Variants in IL6R observed in about 807,000 individuals in gnomAD.
IL6R encodes the protein interleukin-6 receptor subunit alpha.
Under a neutral mutation model 48.3 loss-of-function variants are expected in IL6R, and 38 were observed. The observed-to-expected ratio is 0.79, with a 90% CI of 0.61 to 1.03. IL6R has a LOEUF of 1.03. IL6R is among the 50% of genes least tolerant of loss of function. IL6R has a pLI of 0.00. For synonymous variants in IL6R, 264 were observed against 256.2 expected, an observed-to-expected ratio of 1.03 and a Z score of -0.29; for missense variants, 534 against 618.3, an observed-to-expected ratio of 0.86 and a Z score of 1.45.
In IL6R at chr1:154,429,467, C is replaced by T. The variant is rs539803011; in HGVS notation, c.334+23C>T. 8.8e-6 allele frequency: 14 copies of T among 1,593,340 alleles called. No homozygotes were observed. The East Asian group carries it at 9.0e-5, about 10-fold the overall frequency. On this transcript the variant is annotated intron_variant, in intron 2 of 9. Transcript: ENST00000368485. Reference sequence around the variant, plus strand: ...ATGGTGAGTTGTGCCTCAGAGGTCCCGGAGATAGTTCCCGTAAGAAATGAG... The same window carrying T: ...ATGGTGAGTTGTGCCTCAGAGGTCCTGGAGATAGTTCCCGTAAGAAATGAG...
intron 9 of IL6R, among the ~76,000 whole-genome samples, chr1:154,461,458 C>CG (rs1456921222): frequency 6.6e-5 from 10 of 152,326 alleles, no homozygotes; most frequent in African/African-American, 2.4e-4. Context: ...AGCGCTCCAG[C>CG]GGCCCTTATG....
Position 154,436,064 on chromosome 1 carries a change from C to T in IL6R, c.903C>T (p.Gly301=), listed in dbSNP as rs754516763. 11 of 1,612,852 alleles carry T rather than the reference C, an allele frequency of 6.8e-6. No homozygotes were observed. The highest frequency in any genetic ancestry group is 1.7e-4 in the Middle Eastern group (1 of 6,060). ...QLRAQEEFGQ[G]EWSEWSPEAM... ...GTGCCCAGGAGGAGTTCGGGCAAGG[C>T]GAGTGGAGCGAGTGGAGCCCGGAGG... Residue 301 remains glycine, a synonymous_variant, in exon 6 of 10, where the codon GGC becomes GGT. Coordinates refer to ENST00000368485, the MANE Select transcript of IL6R (RefSeq NM_000565.4).
intron 1 of IL6R, among the ~76,000 whole-genome samples, chr1:154,422,890 T>C (rs979232603): frequency 6.6e-6 from 1 of 152,170 alleles, no homozygotes; most frequent in Non-Finnish European, 1.5e-5. Flanking sequence ...CTCTTCCTTT[T>C]GGCCCTTCTC....
chr1:154,452,451 C>T (rs1460764430), intron 8 of IL6R, among the ~76,000 whole-genome samples: 3 of 152,220 alleles, frequency 2.0e-5, no homozygotes. Context: ...CTTCCTCTGA[C>T]ATTCACTTTG....
intron 1 of IL6R, among the ~76,000 whole-genome samples, chr1:154,426,645 AAGTT>A (rs2149230947): frequency 6.6e-6 from 1 of 152,242 alleles, no homozygotes; most frequent in African/African-American, 2.4e-5. Context: ...TGGGTAGTGA[AAGTT>A]AGGTTGGTGG....
At position 154,467,380 on chromosome 1, in the gene IL6R, T is replaced by C. The variant is rs749966968; in HGVS notation, c.*2000T>C. On this transcript the variant is annotated 3_prime_UTR_variant, in exon 10 of 10. Transcript: ENST00000368485. The stretch of plus-strand genomic sequence containing the variant: ...ATGATTTAAATCAGCCGTGTAACCA[T>C]GGACCCAATATTTACCAGACCACAA... 4 of 152,040 alleles carry C rather than the reference T, an allele frequency of 2.6e-5. No individual in the cohort carries two copies. Among genetic ancestry groups the C allele is most frequent in the Admixed American group, 2.6e-4 (4 of 15,278 alleles). The allele number at this position is 152,040 out of a possible 1,614,324, so 9.4% of individuals were successfully genotyped here.
At chr1:154,413,533 T>C (rs1482711052) in intron 1 of IL6R, among the ~76,000 whole-genome samples, 1 of 152,240 alleles carries the variant, frequency 6.6e-6, no homozygotes, top group Non-Finnish European at 1.5e-5. Flanking sequence ...TGTGTCCCTA[T>C]GCCCTTGCCA....
In IL6R at chr1:154,465,344, T is replaced by C. The variant is rs768524019; in HGVS notation, c.1371T>C (p.Tyr457=). The change falls in exon 10 of 10, where the codon TAT becomes TAC. Residue 457 remains tyrosine (Y), a synonymous_variant. Coordinates refer to ENST00000368485, the MANE Select transcript of IL6R (RefSeq NM_000565.4). Reference sequence around the variant, plus strand: ...ATGCCAGGGACCCACGGAGCCCTTATGACATCAGCAATACAGACTACTTCT... The same window carrying C: ...ATGCCAGGGACCCACGGAGCCCTTACGACATCAGCAATACAGACTACTTCT... ...RPDARDPRSP[Y]DISNTDYFFP... 49 of 1,614,092 alleles carry C rather than the reference T, an allele frequency of 3.0e-5. No individual in the cohort carries two copies. Among genetic ancestry groups the C allele is most frequent in the Non-Finnish European group, 4.1e-5 (48 of 1,180,030 alleles).
At chr1:154,437,814 C>A (rs1400645201) in intron 6 of IL6R, among the ~76,000 whole-genome samples, 1 of 151,178 alleles carries the variant, frequency 6.6e-6, no homozygotes, top group African/African-American at 2.4e-5. Flanking sequence ...CTTGGGTTCA[C>A]GCTATTCTCC....
At chr1:154,430,659 C>T (rs1017452083) in intron 3 of IL6R, 53 bp downstream of exon 3, 2 of 1,611,426 alleles carry the variant, frequency 1.2e-6, no homozygotes, top group Non-Finnish European at 1.7e-6. Context: ...TTCCCGAGGC[C>T]CCCCAGAGAG....
intron 1 of IL6R, among the ~76,000 whole-genome samples, chr1:154,425,834 C>T (rs1313000761): frequency 6.7e-6 from 1 of 148,568 alleles, no homozygotes; most frequent in Non-Finnish European, 1.5e-5. Flanking sequence ...AATCTCAGCA[C>T]TTTGGGAGGC....
intron 1 of IL6R, among the ~76,000 whole-genome samples, chr1:154,423,247 G>T (rs1335993956): frequency 1.4e-5 from 1 of 72,530 alleles, no homozygotes; most frequent in Non-Finnish European, 3.1e-5. Context: ...AGGCTATGTA[G>T]CTTGTTTAAT....
In IL6R at chr1:154,408,357, C is replaced by T. The variant is rs527867706; in HGVS notation, c.85+2643C>T. Among the ~76,000 whole-genome samples the T allele has an allele frequency of 9.2e-5, 14 of 152,230 alleles. No homozygotes were observed. In the South Asian group the frequency reaches 2.5e-3, roughly 27 times the overall value. On this transcript the variant is annotated intron_variant, in intron 1 of 9. Transcript: ENST00000368485. ...TCATTGCAGCAAACATTTCTTGAGT[C>T]GGTGTAGAGCCTGTGAGGCCTGTGT...
intron 1 of IL6R, among the ~76,000 whole-genome samples, chr1:154,411,928 T>C (rs1688042179): frequency 6.6e-6 from 1 of 150,554 alleles, no homozygotes; most frequent in South Asian, 2.1e-4. Flanking sequence ...GCTTGATAAA[T>C]GTTATTGATC....
rs1691542539 is a variant in IL6R, at chr1:154,466,119, T to C, written c.*739T>C. ...AGAGGCAACTGCATTGGCTTTGGGT[T>C]GCAGGACCTCAGGTGAGAAGCAGAG... On this transcript the variant is annotated 3_prime_UTR_variant, in exon 10 of 10. Transcript: ENST00000368485. 1 of 152,828 alleles carries C rather than the reference T, an allele frequency of 6.5e-6. No homozygotes were observed. Among genetic ancestry groups the C allele is most frequent in the Admixed American group, 6.5e-5 (1 of 15,282 alleles). The allele number at this position is 152,828 out of a possible 1,614,324, so 9.5% of individuals were successfully genotyped here. A position where few individuals can be genotyped will look rare whatever the true frequency, so the allele number is the denominator to read the frequency against.
At chr1:154,417,379 G>A (rs1196589484) in intron 1 of IL6R, among the ~76,000 whole-genome samples, 1 of 152,122 alleles carries the variant, frequency 6.6e-6, no homozygotes, top group African/African-American at 2.4e-5. Flanking sequence ...TTAAAACAGC[G>A]CTCCTTATCT....
At chr1:154,454,409 G>A in intron 8 of IL6R, 79 bp from the exon 9 acceptor site, 2 of 908,138 alleles carry the variant, frequency 2.2e-6, no homozygotes, top group Non-Finnish European at 3.5e-6. Context: ...CACCAGCTAA[G>A]TGGTTTTCTT....
chr1:154,444,004 C>T (rs1169601047), intron 6 of IL6R, among the ~76,000 whole-genome samples: 1 of 152,026 alleles, frequency 6.6e-6, no homozygotes, highest in African/African-American at 2.4e-5. Flanking sequence ...GGTTTGGGTT[C>T]TTGCCACATC....
Position 154,448,875 on chromosome 1 carries a change from C to CTTTTTT in IL6R, c.996+728_996+733dup, listed in dbSNP as rs757221328. Among the ~76,000 whole-genome samples the CTTTTTT allele has an allele frequency of 7.2e-4, 53 of 73,294 alleles. 5 individuals carry two copies. The highest frequency in any genetic ancestry group is 1.3e-3 in the East Asian group (3 of 2,282). 48.1% of individuals were successfully genotyped at this position (73,294 alleles called of 152,430 possible). Reference sequence around the variant, plus strand: ...CATTGCAAGGGAGTGCTTGTAAGGGCTTTTTTTTTTTTTTTTTTTTTTTTT... The same window carrying CTTTTTT: ...CATTGCAAGGGAGTGCTTGTAAGGGCTTTTTTTTTTTTTTTTTTTTTTTTTTTTTTT... On this transcript the variant is annotated intron_variant, in intron 7 of 9. Transcript: ENST00000368485.
Sources: gnomAD v4.1 joint callset for allele counts (sites outside exome capture counted in the v4.1 genomes callset) on GRCh38, gnomAD v4.1.1 for gene constraint, MANE v1.5 for transcripts, NCBI Gene and HGNC (gene_info 2026-07-23, HGNC 2026-07-21) for gene names.